SOD1: variants seen among roughly 807,000 people sequenced by gnomAD.
The protein encoded by SOD1 is superoxide dismutase 1, also known as superoxide dismutase [Cu-Zn].
SOD1 carries 8 observed loss-of-function variants against 15.9 expected under a neutral mutation model. The observed-to-expected ratio is 0.50, with a 90% CI of 0.30 to 0.91. The LOEUF (loss-of-function observed/expected upper bound fraction) is 0.91, where lower values mean the gene tolerates loss of function less well. Among genes scored for constraint, SOD1 ranks in the 40% least tolerant of loss-of-function variants. The pLI, the probability that SOD1 is intolerant of heterozygous loss-of-function variation, is 0.07. For synonymous variants in SOD1, 86 were observed against 71.2 expected, an observed-to-expected ratio of 1.21 and a Z score of -1.04; for missense variants, 137 against 194.5, an observed-to-expected ratio of 0.70 and a Z score of 1.76.
In SOD1 at chr21:31,659,855, C is replaced by T. The variant is rs757303817; in HGVS notation, c.72+14C>T. 2 of 1,611,898 alleles carry T rather than the reference C, an allele frequency of 1.2e-6. No individual in the cohort carries two copies. Among genetic ancestry groups the T allele is most frequent in the East Asian group, 2.2e-5 (1 of 44,884 alleles). ...TTCGAGCAGAAGGCAAGGGCTGGGACGGAGGCTTGTTTGCGAGGCCGCTCC... is the reference window on the plus strand; with the variant it reads ...TTCGAGCAGAAGGCAAGGGCTGGGATGGAGGCTTGTTTGCGAGGCCGCTCC... On this transcript the variant is annotated intron_variant, in intron 1 of 4. Coordinates refer to ENST00000270142, the MANE Select transcript of SOD1 (RefSeq NM_000454.5).
At chr21:31,662,950 G>C (rs2049560902) in intron 1 of SOD1, among the ~76,000 whole-genome samples, 1 of 151,834 alleles carries the variant, frequency 6.6e-6, no homozygotes, top group Non-Finnish European at 1.5e-5. Flanking sequence ...GGGAGGCGGA[G>C]CTTGCAGTGA....
In SOD1 at chr21:31,663,831, A is replaced by G. The variant is rs1405534640; in HGVS notation, c.114A>G (p.Gly38=). 2 of 1,613,736 alleles carry G rather than the reference A, an allele frequency of 1.2e-6. No individual in the cohort carries two copies. Among genetic ancestry groups the G allele is most frequent in the South Asian group, 2.2e-5 (2 of 91,080 alleles). ...TGAAGGTGTGGGGAAGCATTAAAGG[A>G]CTGACTGAAGGCCTGCATGGATTCC... ...GPVKVWGSIK[G]LTEGLHGFHV... The change falls in exon 2 of 5, where the codon GGA becomes GGG. Residue 38 remains glycine, a synonymous_variant. Coordinates refer to ENST00000270142, the MANE Select transcript of SOD1 (RefSeq NM_000454.5).
intron 4 of SOD1, 39 bp downstream of exon 4, chr21:31,667,414 A>C: frequency 7.6e-7 from 1 of 1,313,452 alleles, no homozygotes; most frequent in East Asian, 2.3e-5. Flanking sequence ...AACTTCTTCT[A>C]ACATACAGTC....
intron 1 of SOD1, among the ~76,000 whole-genome samples, chr21:31,661,171 C>T (rs1480181510): frequency 6.6e-6 from 1 of 152,092 alleles, no homozygotes; most frequent in Non-Finnish European, 1.5e-5. Context: ...TTTACAGAAA[C>T]GTGAGAGGAC....
intron 1 of SOD1, chr21:31,660,180 C>G (rs1165450648): frequency 1.3e-5 from 2 of 154,388 alleles, no homozygotes; most frequent in Non-Finnish European, 2.9e-5. Context: ...GCGGGTCTGT[C>G]GTGGTGCCTG....
chr21:31,661,125 A>G (rs755876052), intron 1 of SOD1, among the ~76,000 whole-genome samples: 1 of 152,152 alleles, frequency 6.6e-6, no homozygotes, highest in African/African-American at 2.4e-5. Flanking sequence ...ATGAGGGAAT[A>G]TTTACTATAC....
intron 2 of SOD1, chr21:31,664,217 T>C (rs1381160107): frequency 8.8e-6 from 3 of 340,104 alleles, no homozygotes; most frequent in Non-Finnish European, 1.7e-5. Context: ...AAGTGGTCTA[T>C]CCTCCTCGAC....
chr21:31,667,491 C>G, intron 4 of SOD1, 116 bp downstream of exon 4: 1 of 836,072 alleles, frequency 1.2e-6, no homozygotes, highest in Non-Finnish European at 2.1e-6. Flanking sequence ...ACTTGCAGTT[C>G]AAATTAGGAA....
chr21:31,663,698 C>G, intron 1 of SOD1, 92 bp from the exon 2 acceptor site: 2 of 1,010,888 alleles, frequency 2.0e-6, no homozygotes, highest in Admixed American at 1.8e-5. Flanking sequence ...ACTCCCAAGT[C>G]TGGCTGCTTT....
chr21:31,668,378 T>C, intron 4 of SOD1, 93 bp from the exon 5 acceptor site: 1 of 826,272 alleles, frequency 1.2e-6, no homozygotes. Flanking sequence ...ATTTTTCTAA[T>C]ATTATGAGGT....
chr21:31,665,262 GA>G (rs1465142722), intron 2 of SOD1, among the ~76,000 whole-genome samples: 1 of 152,164 alleles, frequency 6.6e-6, no homozygotes. Flanking sequence ...TTTGGGATTG[GA>G]AGCAAGTTAA....
At chr21:31,663,751 T>C in intron 1 of SOD1, 39 bp from the exon 2 acceptor site, 1 of 1,483,396 alleles carries the variant, frequency 6.7e-7, no homozygotes, top group Non-Finnish European at 9.4e-7. Flanking sequence ...CTGTTTTCTT[T>C]GTTCAGAAAC....
intron 1 of SOD1, among the ~76,000 whole-genome samples, chr21:31,663,219 C>T (rs897154618): frequency 9.3e-5 from 13 of 139,286 alleles, no homozygotes; most frequent in Middle Eastern, 5.0e-3. Flanking sequence ...ATGAGACATA[C>T]ACCTTTTGGG....
intron 3 of SOD1, chr21:31,666,908 A>G (rs934208178): frequency 5.0e-6 from 2 of 403,842 alleles, no homozygotes; most frequent in Non-Finnish European, 9.1e-6. Context: ...GACTCCATTT[A>G]TATGTGTATG....
chr21:31,665,168 A>AT (rs2049582494), intron 2 of SOD1, among the ~76,000 whole-genome samples: 1 of 152,110 alleles, frequency 6.6e-6, no homozygotes, highest in Admixed American at 6.5e-5. Flanking sequence ...GCTTAAAAAA[A>AT]ATTTTTTTAA....
At position 31,668,803 on chromosome 21, in the gene SOD1, AT is replaced by A; in HGVS notation, c.*229del. On this transcript the variant is annotated 3_prime_UTR_variant, in exon 5 of 5. Transcript: ENST00000270142. The stretch of plus-strand genomic sequence containing the variant: ...TAAAATGTCTGTTTCAATGACCTGT[AT>A]TTTGCCAGACTTAAATCACAGATGG... 3 of 516,726 alleles carry A rather than the reference AT, an allele frequency of 5.8e-6. No homozygotes were observed. Among genetic ancestry groups the A allele is most frequent in the Non-Finnish European group, 1.0e-5 (3 of 286,586 alleles). The allele number at this position is 516,726 out of a possible 1,614,324, so 32.0% of individuals were successfully genotyped here. A position where few individuals can be genotyped will look rare whatever the true frequency, so the allele number is the denominator to read the frequency against.
At chr21:31,667,129 TGTA>T (rs2049600541) in intron 3 of SOD1, 126 bp from the exon 4 acceptor site, 6 of 714,240 alleles carry the variant, frequency 8.4e-6, no homozygotes, top group Middle Eastern at 2.4e-4. Context: ...TTTGAAGAGC[TGTA>T]TTTAGAATGC....
intron 1 of SOD1, chr21:31,661,873 A>G (rs1181556415): frequency 6.6e-6 from 1 of 152,226 alleles, no homozygotes; most frequent in Non-Finnish European, 1.5e-5. Flanking sequence ...GAGATAATAC[A>G]TTGGCTATCA....
At chr21:31,666,327 C>T (rs1299721336) in intron 2 of SOD1, 122 bp from the exon 3 acceptor site, 3 of 731,598 alleles carry the variant, frequency 4.1e-6, no homozygotes, top group Non-Finnish European at 7.2e-6. Context: ...TGTTGCTTAT[C>T]CCAGAAGTCG....
Sources: allele counts gnomAD v4.1 joint callset (sites outside exome capture counted in the v4.1 genomes callset), GRCh38; gene constraint gnomAD v4.1.1; transcripts MANE v1.5; gene names NCBI Gene and HGNC (gene_info 2026-07-23, HGNC 2026-07-21).